Variants in VAX2 observed in about 807,000 individuals in gnomAD.
VAX2 encodes the protein ventral anterior homeobox 2.
A neutral mutation model predicts 12.5 loss-of-function variants in VAX2; 8 were observed. That is an observed-to-expected ratio of 0.64 (90% CI 0.37 to 1.15). VAX2 has a LOEUF of 1.15. VAX2 is among the 50% of genes most tolerant of loss of function. VAX2 has a pLI of 0.01. For missense variants in VAX2, 476 were observed against 412.9 expected (o/e 1.15, Z -1.32); for synonymous variants, 183 against 187.6 (o/e 0.98, Z 0.20).
intron 1 of VAX2, among the ~76,000 whole-genome samples, chr2:70,909,947 T>C (rs1679146538): frequency 6.6e-6 from 1 of 152,212 alleles, no homozygotes; most frequent in African/African-American, 2.4e-5. Flanking sequence ...CTACCTCATT[T>C]ATACCATAGA....
At chr2:70,901,852 G>A (rs1678938905) in intron 1 of VAX2, among the ~76,000 whole-genome samples, 1 of 152,188 alleles carries the variant, frequency 6.6e-6, no homozygotes, top group Admixed American at 6.5e-5. Flanking sequence ...TAAGCCCTGG[G>A]ACCGGGAGAC....
chr2:70,918,375 T>C (rs1306388635), intron 1 of VAX2, among the ~76,000 whole-genome samples: 1 of 152,086 alleles, frequency 6.6e-6, no homozygotes, highest in African/African-American at 2.4e-5. Context: ...TCTCCTGGGG[T>C]GGGACGCTTG....
rs782217454 is a variant in VAX2 at position 70,921,217 on chromosome 2, C to T, written c.367C>T (p.Arg123Cys). ...QLYRLEMEFQ[R>C]CQYVVGRERT... ...GTACCGCCTGGAGATGGAGTTCCAG[C>T]GCTGCCAGTATGTGGTGGGCCGCGA... The change falls in exon 2 of 3, where the codon CGC becomes TGC. Residue 123 changes from arginine (R) to cysteine (C), a missense_variant. Physicochemically the swap from Arg to Cys is radical, Grantham distance 180. Coordinates refer to ENST00000234392, the MANE Select transcript of VAX2 (RefSeq NM_012476.3). The T allele has an allele frequency of 6.2e-6, 10 of 1,613,496 alleles. No individual in the cohort carries two copies. Among genetic ancestry groups the T allele is most frequent in the Non-Finnish European group, 5.1e-6 (6 of 1,179,918 alleles).
intron 1 of VAX2, among the ~76,000 whole-genome samples, chr2:70,902,673 A>G (rs1165107130): frequency 6.6e-6 from 1 of 152,150 alleles, no homozygotes; most frequent in African/African-American, 2.4e-5. Flanking sequence ...TAGAGCAAAT[A>G]AGTTTTGTGT....
At chr2:70,918,774 T>C (rs556943877) in intron 1 of VAX2, among the ~76,000 whole-genome samples, 4 of 150,302 alleles carry the variant, frequency 2.7e-5, no homozygotes, top group African/African-American at 9.8e-5. Context: ...TGGGCGCCTG[T>C]AGTCCCAGCT....
rs144708042 is a variant in VAX2 at position 70,933,380 on chromosome 2, C to A, written c.*176C>A. The A allele has an allele frequency of 7.8e-6, 4 of 511,632 alleles. No homozygotes were observed. Among genetic ancestry groups the A allele is most frequent in the Non-Finnish European group, 1.3e-5 (4 of 309,452 alleles). The allele number at this position is 511,632 out of a possible 1,614,324, so 31.7% of individuals were successfully genotyped here. A position where few individuals can be genotyped will look rare whatever the true frequency, so the allele number is the denominator to read the frequency against. Reference sequence around the variant, plus strand: ...TGGCCTTGGTCCCGCAGCTTGTGTGCGTGAGTGCAGTGTGAGTGTGTGTGT... The same window carrying A: ...TGGCCTTGGTCCCGCAGCTTGTGTGAGTGAGTGCAGTGTGAGTGTGTGTGT... On this transcript the variant is annotated 3_prime_UTR_variant, in exon 3 of 3. Coordinates refer to ENST00000234392, the MANE Select transcript of VAX2 (RefSeq NM_012476.3).
chr2:70,910,707 A>C (rs2104764247), intron 1 of VAX2, among the ~76,000 whole-genome samples: 1 of 151,918 alleles, frequency 6.6e-6, no homozygotes, highest in East Asian at 1.9e-4. Context: ...TCATCTTCGT[A>C]AGTGCCACTT....
chr2:70,932,090 G>A (rs782542233), intron 2 of VAX2, among the ~76,000 whole-genome samples: 2 of 152,198 alleles, frequency 1.3e-5, no homozygotes, highest in Non-Finnish European at 2.9e-5. Flanking sequence ...AGCCAGGGTC[G>A]AGAGGTGCTG....
intron 1 of VAX2, among the ~76,000 whole-genome samples, chr2:70,910,272 C>T (rs901379096): frequency 1.3e-4 from 19 of 151,962 alleles, no homozygotes; most frequent in South Asian, 8.3e-4. Flanking sequence ...TACTGCTCTC[C>T]CTAATTTTGT....
At position 70,933,425 on chromosome 2, in the gene VAX2, A is replaced by G; in HGVS notation, c.*221A>G. 2.5e-6 allele frequency: 1 copy of G among 405,278 alleles called. No homozygotes were observed. The highest frequency in any genetic ancestry group is 4.3e-6 in the Non-Finnish European group (1 of 232,866). The allele number at this position is 405,278 out of a possible 1,614,324, so 25.1% of individuals were successfully genotyped here. ...GTGTGTCTCTCACTGAAATAAAAGG[A>G]AAACAATGACAAGAAGGGAAATGGT... On this transcript the variant is annotated 3_prime_UTR_variant, in exon 3 of 3. Transcript: ENST00000234392.
chr2:70,902,194 G>A (rs975330865), intron 1 of VAX2, among the ~76,000 whole-genome samples: 1 of 152,218 alleles, frequency 6.6e-6, no homozygotes, highest in African/African-American at 2.4e-5. Context: ...GGGACTGGAG[G>A]GTAGAGCATG....
intron 1 of VAX2, among the ~76,000 whole-genome samples, chr2:70,903,593 C>T (rs1678982424): frequency 6.6e-6 from 1 of 152,206 alleles, no homozygotes. Context: ...TACAAAGGGA[C>T]CCATAGCCCT....
chr2:70,933,092 C>T lies in VAX2; in HGVS notation c.761C>T (p.Pro254Leu), dbSNP rs2234500. ...PLPAVCFSSAPLLDLPAGYEL... is the reference protein window; with the variant it reads ...PLPAVCFSSALLLDLPAGYEL... ...CCAGCTGTCTGCTTTTCCTCGGCCC[C>T]GCTCCTGGATCTGCCTGCCGGCTAC... Residue 254 changes from proline to leucine, a missense_variant, in exon 3 of 3, where the codon CCG (proline) becomes CTG (leucine). By Grantham distance (98) the Pro-to-Leu change is moderately conservative. Transcript: ENST00000234392. 81 of 1,609,744 alleles carry T rather than the reference C, an allele frequency of 5.0e-5. No individual in the cohort carries two copies. In the African/African-American group the frequency reaches 6.7e-4, roughly 13 times the overall value.
chr2:70,918,416 C>T (rs1572893353), intron 1 of VAX2, among the ~76,000 whole-genome samples: 1 of 152,164 alleles, frequency 6.6e-6, no homozygotes, highest in East Asian at 1.9e-4. Context: ...CCCTCTAGAG[C>T]AGGGATTCTC....
At chr2:70,922,704 C>T (rs555819962) in intron 2 of VAX2, among the ~76,000 whole-genome samples, 62 of 150,786 alleles carry the variant, frequency 4.1e-4, no homozygotes, top group African/African-American at 1.2e-3. Context: ...CAGCTGCTGT[C>T]CTGCAGGGCC....
At chr2:70,931,226 CA>C (rs1351353470) in intron 2 of VAX2, among the ~76,000 whole-genome samples, 1 of 152,164 alleles carries the variant, frequency 6.6e-6, no homozygotes, top group African/African-American at 2.4e-5. Flanking sequence ...GAGGCAGGGC[CA>C]GTTCTGCCTC....
chr2:70,916,669 T>G (rs1679311718), intron 1 of VAX2, among the ~76,000 whole-genome samples: 1 of 152,234 alleles, frequency 6.6e-6, no homozygotes, highest in South Asian at 2.1e-4. Flanking sequence ...TATAATTTCC[T>G]GTGTAAATTG....
chr2:70,905,401 A>G (rs1198268983), intron 1 of VAX2, among the ~76,000 whole-genome samples: 2 of 152,112 alleles, frequency 1.3e-5, no homozygotes, highest in Non-Finnish European at 2.9e-5. Context: ...CAGGAGGCCC[A>G]CATTCCCATA....
intron 1 of VAX2, among the ~76,000 whole-genome samples, chr2:70,916,403 T>C (rs1246041243): frequency 2.6e-5 from 4 of 152,226 alleles, no homozygotes; most frequent in South Asian, 2.1e-4. Flanking sequence ...ACTGTTTTTT[T>C]GTTTTTTGTA....
Sources: allele counts gnomAD v4.1 joint callset (sites outside exome capture counted in the v4.1 genomes callset), GRCh38; gene constraint gnomAD v4.1.1; transcripts MANE v1.5; gene names NCBI Gene and HGNC (gene_info 2026-07-23, HGNC 2026-07-21).